The following TTLL5 variants were observed in gnomAD, a reference collection of about 807,000 sequenced individuals.
TTLL5 encodes the protein tubulin polyglutamylase TTLL5.
Under a neutral mutation model 168.4 loss-of-function variants are expected in TTLL5, and 132 were observed. The ratio of observed to expected loss-of-function variants is 0.78; its 90% confidence interval spans 0.68 to 0.91. The LOEUF is 0.91. Ranked by LOEUF, TTLL5 falls within the 40% of genes least tolerant of loss-of-function variation. The pLI, the probability that TTLL5 is intolerant of heterozygous loss-of-function variation, is 0.00. For missense variants in TTLL5, 1,545 were observed against 1,581.5 expected (o/e 0.98, Z 0.39); for synonymous variants, 546 against 558.6 (o/e 0.98, Z 0.32).
intron 31 of TTLL5, among the ~76,000 whole-genome samples, chr14:75,936,816 TAGA>T (rs2034446734): frequency 6.6e-6 from 1 of 152,102 alleles, no homozygotes; most frequent in Non-Finnish European, 1.5e-5. Context: ...TTGGTTGGAA[TAGA>T]AGAAGTGGGG....
chr14:75,773,925 T>TAGAGAG (rs1341418983), intron 21 of TTLL5, among the ~76,000 whole-genome samples: 395 of 26,180 alleles, frequency 0.015, 5 homozygotes, highest in African/African-American at 0.03. Flanking sequence ...TATATATATA[T>TAGAGAG]ATAGAGAGAG....
chr14:75,740,192 T>C (rs1186982558), intron 15 of TTLL5, among the ~76,000 whole-genome samples: 1 of 152,190 alleles, frequency 6.6e-6, no homozygotes, highest in Non-Finnish European at 1.5e-5. Context: ...TTTAATATAT[T>C]GCTATAGTTC....
At chr14:75,734,784 A>T (rs1888782041) in intron 14 of TTLL5, among the ~76,000 whole-genome samples, 1 of 152,236 alleles carries the variant, frequency 6.6e-6, no homozygotes, top group Non-Finnish European at 1.5e-5. Flanking sequence ...ATGTAACAGG[A>T]TGAGACTGTT....
At chr14:75,739,492 T>G (rs1566582955) in intron 15 of TTLL5, among the ~76,000 whole-genome samples, 1 of 152,210 alleles carries the variant, frequency 6.6e-6, no homozygotes, top group Non-Finnish European at 1.5e-5. Context: ...CTCTTAGTCC[T>G]TTGCCCTTTT....
chr14:75,882,966 T>C (rs2031896790), intron 30 of TTLL5, 64 bp downstream of exon 30: 3 of 1,525,862 alleles, frequency 2.0e-6, no homozygotes, highest in Non-Finnish European at 2.7e-6. Context: ...GTACTCTTTA[T>C]TTATTACTCT....
intron 27 of TTLL5, among the ~76,000 whole-genome samples, chr14:75,817,568 C>CTTT (rs1471454782): frequency 2.6e-5 from 4 of 152,016 alleles, no homozygotes; most frequent in Non-Finnish European, 5.9e-5. Context: ...TAAAAATGAC[C>CTTT]TTTTTTCTTT....
At chr14:75,763,255 C>CTCTGTG (rs1461607432) in intron 18 of TTLL5, among the ~76,000 whole-genome samples, 2 of 58,596 alleles carry the variant, frequency 3.4e-5, no homozygotes, top group Admixed American at 4.0e-4. Context: ...AGCTCTCTCT[C>CTCTGTG]TGTGTGTGTG....
At chr14:75,853,435 C>G (rs961794966) in intron 28 of TTLL5, among the ~76,000 whole-genome samples, 1 of 152,158 alleles carries the variant, frequency 6.6e-6, no homozygotes, top group African/African-American at 2.4e-5. Context: ...AGTCACTGCT[C>G]TAGGTCATGA....
At chr14:75,812,445 A>C (rs1025399928) in intron 27 of TTLL5, among the ~76,000 whole-genome samples, 60 of 152,076 alleles carry the variant, frequency 3.9e-4, no homozygotes, top group Non-Finnish European at 1.5e-4. Context: ...CGTTGTTACC[A>C]CTATTTCTCA....
intron 31 of TTLL5, among the ~76,000 whole-genome samples, chr14:75,937,957 A>G (rs755497080): frequency 1.8e-4 from 28 of 152,288 alleles, no homozygotes; most frequent in Non-Finnish European, 2.9e-4. Flanking sequence ...TAGCTGTACC[A>G]TTTTACACCC....
chr14:75,914,024 A>C (rs1338047715), intron 31 of TTLL5, among the ~76,000 whole-genome samples: 1 of 114,246 alleles, frequency 8.8e-6, no homozygotes, highest in Non-Finnish European at 1.6e-5. Context: ...AAGGAAAAAA[A>C]AAAAAAAAAA....
intron 28 of TTLL5, among the ~76,000 whole-genome samples, chr14:75,842,374 T>TG (rs1328449238): frequency 8.5e-5 from 13 of 152,284 alleles, no homozygotes; most frequent in African/African-American, 2.9e-4. Flanking sequence ...GTGTTTTGTT[T>TG]GGGGCAGGAG....
intron 28 of TTLL5, among the ~76,000 whole-genome samples, chr14:75,845,250 A>G (rs991413388): frequency 6.6e-6 from 1 of 152,162 alleles, no homozygotes; most frequent in Admixed American, 6.5e-5. Context: ...TTTAAACTAC[A>G]TAAATATATC....
At position 75,766,211 on chromosome 14, in the gene TTLL5, C is replaced by A. The variant is rs1313446228; in HGVS notation, c.1858C>A (p.Pro620Thr). ...TAGAGAAAATCAAGCCAAATATACA[C>A]CCTCATTGACAGCTTTGGTAGAAAA... ...FLRENQAKYT[P>T]SLTALVENTP... Residue 620 changes from proline (P) to threonine (T), a missense_variant, in exon 20 of 32, where the codon CCC becomes ACC. Transcript: ENST00000298832. 6.2e-7 allele frequency: 1 copy of A among 1,613,972 alleles called. No individual in the cohort carries two copies. The highest frequency in any genetic ancestry group is 1.1e-5 in the South Asian group (1 of 91,062).
intron 29 of TTLL5, among the ~76,000 whole-genome samples, chr14:75,866,671 T>C (rs1255781201): frequency 6.6e-6 from 1 of 152,178 alleles, no homozygotes; most frequent in Admixed American, 6.5e-5. Flanking sequence ...CACTTAGATA[T>C]CCAACTTATT....
At chr14:75,746,726 C>G (rs1889640340) in intron 17 of TTLL5, among the ~76,000 whole-genome samples, 1 of 151,944 alleles carries the variant, frequency 6.6e-6, no homozygotes, top group Admixed American at 6.6e-5. Flanking sequence ...CTGTGCATGA[C>G]TCATTTTTGT....
At chr14:75,832,355 A>G (rs8008115) in intron 28 of TTLL5, among the ~76,000 whole-genome samples, 106,667 of 151,998 alleles carry the variant, frequency 0.7, 38,217 homozygotes, top group Admixed American at 0.79. Flanking sequence ...GCCTTTCCCA[A>G]TTGCCCCCAA....
At chr14:75,905,985 A>G (rs2033131403) in intron 31 of TTLL5, among the ~76,000 whole-genome samples, 1 of 152,186 alleles carries the variant, frequency 6.6e-6, no homozygotes, top group Non-Finnish European at 1.5e-5. Flanking sequence ...CAGTGTCCTT[A>G]TTAAATGTTC....
intron 27 of TTLL5, among the ~76,000 whole-genome samples, chr14:75,793,743 C>A (rs902509897): frequency 2.0e-5 from 3 of 152,146 alleles, no homozygotes; most frequent in African/African-American, 4.8e-5. Context: ...ATGACACTTT[C>A]AAGAGCTTTG....
Sources: gnomAD v4.1 joint callset for allele counts (sites outside exome capture counted in the v4.1 genomes callset) on GRCh38, gnomAD v4.1.1 for gene constraint, MANE v1.5 for transcripts, NCBI Gene and HGNC (gene_info 2026-07-23, HGNC 2026-07-21) for gene names.